Variants in PHKB observed in about 807,000 individuals in gnomAD.
PHKB encodes the protein phosphorylase kinase regulatory subunit beta.
A neutral mutation model predicts 152.1 loss-of-function variants in PHKB; 122 were observed. The observed-to-expected ratio is 0.80, with a 90% CI of 0.69 to 0.93. The LOEUF (loss-of-function observed/expected upper bound fraction) is 0.93. PHKB is among the 40% of genes least tolerant of loss of function. The probability of loss-of-function intolerance (pLI) is 0.00; values close to 1 mark genes in which losing one functional copy is unlikely to be tolerated. For synonymous variants in PHKB, 436 were observed against 464.9 expected (o/e 0.94, Z 0.80); for missense variants, 1,304 against 1,328.4 (o/e 0.98, Z 0.29).
rs533556599 is a variant in PHKB at position 47,695,331 on chromosome 16, C to T, written c.2896-1050C>T. On this transcript the variant is annotated intron_variant, in intron 28 of 30. Coordinates refer to ENST00000323584, the MANE Select transcript of PHKB (RefSeq NM_000293.3). ...GGGTCTTCCTTTCCTTCTGTAACCC[C>T]GTTAAGCCCATTGCTAGAGATCTAG... Among the ~76,000 whole-genome samples the T allele has an allele frequency of 8.5e-5, 13 of 152,228 alleles. No individual in the cohort carries two copies. In the South Asian group the frequency reaches 1.3e-3, roughly 15 times the overall value.
chr16:47,699,527 C>T lies in PHKB; in HGVS notation c.*161C>T. On this transcript the variant is annotated 3_prime_UTR_variant, in exon 31 of 31. Transcript: ENST00000323584. ...TTATGGACCTCTTGCATGTCATAGCCAATCTAACGGTAATGGTAAATGCTT... is the reference window on the plus strand; with the variant it reads ...TTATGGACCTCTTGCATGTCATAGCTAATCTAACGGTAATGGTAAATGCTT... The T allele has an allele frequency of 2.5e-6, 2 of 789,220 alleles. No homozygotes were observed. 48.9% of individuals were successfully genotyped at this position (789,220 alleles called of 1,614,324 possible). A position where few individuals can be genotyped will look rare whatever the true frequency, so the allele number is the denominator to read the frequency against.
At chr16:47,577,298 T>C (rs987283966) in intron 7 of PHKB, among the ~76,000 whole-genome samples, 1 of 152,160 alleles carries the variant, frequency 6.6e-6, no homozygotes, top group African/African-American at 2.4e-5. Context: ...CTTATTACCA[T>C]TCTGAATTTA....
chr16:47,698,296 C>A, intron 29 of PHKB, 152 bp from the exon 30 acceptor site: 6 of 658,932 alleles, frequency 9.1e-6, no homozygotes, highest in South Asian at 3.6e-5. Flanking sequence ...ATGCAAATAA[C>A]TTGCAAAATT....
chr16:47,630,475 T>G (rs183445266), intron 14 of PHKB, among the ~76,000 whole-genome samples: 48 of 151,038 alleles, frequency 3.2e-4, no homozygotes, highest in Non-Finnish European at 5.8e-4. Flanking sequence ...GAAGGGAAAC[T>G]GTCGCAAAAA....
chr16:47,514,512 A>G (rs1266736795), intron 5 of PHKB, among the ~76,000 whole-genome samples: 2 of 152,016 alleles, frequency 1.3e-5, no homozygotes, highest in Non-Finnish European at 2.9e-5. Context: ...GCAAGAATTC[A>G]CCCTTCCTCT....
chr16:47,476,369 T>C (rs912349389), intron 1 of PHKB, among the ~76,000 whole-genome samples: 11 of 152,178 alleles, frequency 7.2e-5, no homozygotes, highest in Non-Finnish European at 1.6e-4. Flanking sequence ...GATCCTCTTG[T>C]TTGGTTATCT....
intron 6 of PHKB, 63 bp downstream of exon 6, chr16:47,515,664 TAG>T: frequency 1.3e-6 from 1 of 768,810 alleles, no homozygotes; most frequent in Non-Finnish European, 2.4e-6. Context: ...TTTTTTTTTT[TAG>T]TTTTCACAAC....
At chr16:47,477,616 A>T (rs1487271297) in intron 1 of PHKB, among the ~76,000 whole-genome samples, 3 of 152,216 alleles carry the variant, frequency 2.0e-5, no homozygotes, top group Middle Eastern at 3.2e-3. Context: ...ATATAACAAA[A>T]TACTGACCTA....
chr16:47,479,182 A>T (rs1395946400), intron 1 of PHKB, among the ~76,000 whole-genome samples: 1 of 152,192 alleles, frequency 6.6e-6, no homozygotes, highest in Non-Finnish European at 1.5e-5. Context: ...TTCAAGGTAG[A>T]TCTTACAAGG....
intron 28 of PHKB, among the ~76,000 whole-genome samples, chr16:47,694,280 A>C (rs561506402): frequency 2.9e-4 from 44 of 152,216 alleles, no homozygotes; most frequent in Non-Finnish European, 4.6e-4. Flanking sequence ...CTTATACACA[A>C]AAGAGAAGGA....
At chr16:47,533,390 C>T (rs537736727) in intron 6 of PHKB, among the ~76,000 whole-genome samples, 101 of 152,274 alleles carry the variant, frequency 6.6e-4, no homozygotes, top group Admixed American at 2.9e-3. Context: ...TGGGGCCTCA[C>T]CAGGAACCTG....
chr16:47,463,853 A>G (rs187268096), intron 1 of PHKB: 2 of 1,367,116 alleles, frequency 1.5e-6, no homozygotes, highest in East Asian at 4.6e-5. Flanking sequence ...TTAATTTAAC[A>G]CTGATTGCTT....
At chr16:47,631,885 G>C (rs1482160356) in intron 14 of PHKB, among the ~76,000 whole-genome samples, 1 of 152,046 alleles carries the variant, frequency 6.6e-6, no homozygotes, top group Non-Finnish European at 1.5e-5. Flanking sequence ...TCATTGATGG[G>C]CATTTGGGTT....
chr16:47,567,623 G>T (rs997005650), intron 7 of PHKB, among the ~76,000 whole-genome samples: 1 of 152,122 alleles, frequency 6.6e-6, no homozygotes, highest in Non-Finnish European at 1.5e-5. Flanking sequence ...CTAGTTCTTA[G>T]GCGGAAAGGC....
At chr16:47,668,966 C>T (rs773069814) in intron 25 of PHKB, among the ~76,000 whole-genome samples, 45 of 152,134 alleles carry the variant, frequency 3.0e-4, no homozygotes, top group Admixed American at 7.9e-4. Flanking sequence ...TATCCACTCA[C>T]CTCCACTCCC....
intron 25 of PHKB, chr16:47,666,093 C>T (rs890184705): frequency 8.2e-7 from 1 of 1,220,942 alleles, no homozygotes; most frequent in South Asian, 1.2e-5. Context: ...TGGCTAGGAC[C>T]CTTAATTTTA....
chr16:47,550,836 C>G (rs1234821996), intron 7 of PHKB, among the ~76,000 whole-genome samples: 1 of 152,110 alleles, frequency 6.6e-6, no homozygotes, highest in Non-Finnish European at 1.5e-5. Flanking sequence ...GGTGTGAGTC[C>G]GTCTGGTCCT....
intron 13 of PHKB, among the ~76,000 whole-genome samples, chr16:47,599,518 T>C (rs1298696535): frequency 6.6e-6 from 1 of 152,194 alleles, no homozygotes; most frequent in Non-Finnish European, 1.5e-5. Flanking sequence ...GAACTTTCCG[T>C]AATAAATGTG....
At position 47,663,668 on chromosome 16, in the gene PHKB, A is replaced by G; in HGVS notation, c.2279-9A>G. On this transcript the variant is annotated splice_polypyrimidine_tract_variant and intron_variant, in intron 23 of 30. Coordinates refer to ENST00000323584, the MANE Select transcript of PHKB (RefSeq NM_000293.3). ...TTGTTCAACAAAGACTCTATTATCC[A>G]ATGTCTAGGTACCGTTTCTGATCAC... The G allele has an allele frequency of 6.2e-7, 1 of 1,610,864 alleles. No individual in the cohort carries two copies. The highest frequency in any genetic ancestry group is 8.5e-7 in the Non-Finnish European group (1 of 1,177,282).
Sources: allele counts gnomAD v4.1 joint callset (sites outside exome capture counted in the v4.1 genomes callset), GRCh38; gene constraint gnomAD v4.1.1; transcripts MANE v1.5; gene names NCBI Gene and HGNC (gene_info 2026-07-23, HGNC 2026-07-21).